The following USP28 variants were observed in gnomAD, a reference collection of about 807,000 sequenced individuals.
USP28 encodes ubiquitin carboxyl-terminal hydrolase 28.
In USP28, 113 loss-of-function variants were observed where a neutral mutation model predicts 145.0. The ratio of observed to expected loss-of-function variants is 0.78; its 90% CI spans 0.67 to 0.91. The LOEUF (loss-of-function observed/expected upper bound fraction) is 0.91, where lower values mean the gene tolerates loss of function less well. USP28 is among the 40% of genes least tolerant of loss of function. The probability of loss-of-function intolerance (pLI) is 0.00; values close to 1 mark genes in which losing one functional copy is unlikely to be tolerated. For missense variants in USP28, 1,201 were observed against 1,289.6 expected (o/e 0.93, Z 1.05); for synonymous variants, 447 against 450.9 (o/e 0.99, Z 0.11).
chr11:113,803,409 G>A (rs969500778), intron 22 of USP28, 128 bp from the exon 24 acceptor site: 15 of 1,066,184 alleles, frequency 1.4e-5, no homozygotes, highest in East Asian at 2.7e-5. Context: ...ACCAAAGACC[G>A]TAGCCAGTCT....
At chr11:113,842,773 G>C (rs1480628765) in intron 3 of USP28, among the ~76,000 whole-genome samples, 1 of 152,044 alleles carries the variant, frequency 6.6e-6, no homozygotes, top group Admixed American at 6.5e-5. Context: ...ACTAGGAAGA[G>C]AAAAAAATAT....
chr11:113,867,161 T>C lies in USP28; in HGVS notation c.57+8284A>G, dbSNP rs1948352180. 1.3e-5 allele frequency among the ~76,000 whole-genome samples: 2 copies of C among 152,346 alleles called. 1 individual carries two copies. On this transcript the variant is annotated intron_variant, in intron 1 of 24. Coordinates refer to ENST00000003302, the Ensembl canonical transcript of USP28. ...GGGGGAATAGGGAGTGACTGCTTAA[T>C]GGTTACAAAGTTTTCTTTCAGGGTA... is the stretch of plus-strand genomic sequence containing the variant.
At chr11:113,864,421 G>A (rs996194438) in intron 1 of USP28, among the ~76,000 whole-genome samples, 18 of 152,302 alleles carry the variant, frequency 1.2e-4, no homozygotes, top group South Asian at 6.2e-4. Context: ...TGCGGAGACT[G>A]AGAAGTCTCA....
At chr11:113,820,992 T>G in intron 12 of USP28, 1 of 180,568 alleles carries the variant, frequency 5.5e-6, no homozygotes, top group South Asian at 1.2e-4. Context: ...AGCAGATTCT[T>G]GATGAGATGC....
chr11:113,841,281 T>C (rs545874442), intron 4 of USP28, among the ~76,000 whole-genome samples: 2 of 152,298 alleles, frequency 1.3e-5, no homozygotes, highest in South Asian at 2.1e-4. Flanking sequence ...TTCAAAAAAA[T>C]AGATTCCTTG....
In USP28 at chr11:113,874,423, G is replaced by GGAA. The variant is rs1319889656; in HGVS notation, c.57+1021_57+1022insTTC. On this transcript the variant is annotated intron_variant, in intron 1 of 24. Coordinates refer to ENST00000003302, the Ensembl canonical transcript of USP28. ...CTAGGCAACAGAGGGAGACTCTGTC[G>GGAA]AAAAAAAAAAAAAAAAAAAAAAAAA... The GGAA allele has an allele frequency of 3.8e-4, 159 of 414,062 alleles. 2 individuals carry two copies. The African/African-American group carries it at 3.9e-3, about 10-fold the overall frequency. 25.6% of individuals were successfully genotyped at this position (414,062 alleles called of 1,614,324 possible). A position where few individuals can be genotyped will look rare whatever the true frequency, so the allele number is the denominator to read the frequency against.
intron 16 of USP28, among the ~76,000 whole-genome samples, chr11:113,809,832 G>C (rs1044863437): frequency 2.0e-5 from 3 of 152,090 alleles, no homozygotes; most frequent in Non-Finnish European, 2.9e-5. Flanking sequence ...AGGAGTTCAA[G>C]ACCAGCCTGG....
rs766866554 is a variant in USP28 at position 113,809,128 on chromosome 11, G to A, written c.2099C>T (p.Ser700Phe). Residue 700 changes from serine (S) to phenylalanine (F), a missense_variant, in exon 17 of 25, where the codon TCT becomes TTT. Transcript: ENST00000003302. ...GGACTCCATTTGAGGGATTTTGCAA[G>A]ACTGCTCTTCTTCCCACTCCTCTAC... 1.2e-6 allele frequency: 2 copies of A among 1,614,226 alleles called. No individual in the cohort carries two copies. The highest frequency in any genetic ancestry group is 3.3e-5 in the Admixed American group (2 of 60,028).
chr11:113,811,631 T>C (rs1174734004), intron 16 of USP28, among the ~76,000 whole-genome samples: 1 of 151,940 alleles, frequency 6.6e-6, no homozygotes, highest in Non-Finnish European at 1.5e-5. Flanking sequence ...GAGGTTGCAG[T>C]GAGCTGAGAT....
chr11:113,875,303 A>G, intron 1 of USP28, 142 bp downstream of exon 1: 5 of 590,476 alleles, frequency 8.5e-6, no homozygotes, highest in Non-Finnish European at 1.1e-5. Flanking sequence ...TGGCCTTCTC[A>G]CCCACGCTGG....
intron 2 of USP28, among the ~76,000 whole-genome samples, chr11:113,853,468 A>C (rs181989349): frequency 1.1e-3 from 167 of 152,280 alleles, no homozygotes; most frequent in African/African-American, 3.7e-3. Flanking sequence ...TTACCTAGTC[A>C]CTTAGTCATA....
intron 2 of USP28, among the ~76,000 whole-genome samples, chr11:113,853,460 AC>A (rs1385341403): frequency 6.6e-6 from 1 of 152,092 alleles, no homozygotes; most frequent in Non-Finnish European, 1.5e-5. Flanking sequence ...TTCAACAATT[AC>A]CTAGTCACTT....
intron 1 of USP28, among the ~76,000 whole-genome samples, chr11:113,862,027 T>G (rs1161173519): frequency 6.6e-6 from 1 of 152,316 alleles, no homozygotes; most frequent in South Asian, 2.1e-4. Context: ...TAGCTGGGTC[T>G]TCGTGTGTAG....
At chr11:113,861,088 C>T (rs537672043) in intron 1 of USP28, among the ~76,000 whole-genome samples, 8 of 147,984 alleles carry the variant, frequency 5.4e-5, no homozygotes, top group South Asian at 4.3e-4. Flanking sequence ...CACTGCATTC[C>T]ACTCCAGCCT....
chr11:113,830,910 C>T lies in USP28; in HGVS notation c.867G>A (p.Val289=), dbSNP rs774250527. 10 of 1,613,940 alleles carry T rather than the reference C, an allele frequency of 6.2e-6. No homozygotes were observed. In the East Asian group the frequency reaches 1.3e-4, roughly 22 times the overall value. The change falls in exon 9 of 25, where the codon GTG becomes GTA. Residue 289 remains valine, a synonymous_variant. Coordinates refer to ENST00000003302, the Ensembl canonical transcript of USP28. ...TCAGGAAAGTACCATAGAACAGCTG[C>T]ACCATTGGATTTTCAGATTTGTTCC...
chr11:113,806,180 C>A (rs981274752), intron 19 of USP28, among the ~76,000 whole-genome samples: 2 of 152,106 alleles, frequency 1.3e-5, no homozygotes, highest in South Asian at 2.1e-4. Context: ...TTCAAGCAAG[C>A]CTCCCTCCTG....
intron 3 of USP28, among the ~76,000 whole-genome samples, chr11:113,845,710 G>A (rs1426173435): frequency 6.6e-6 from 1 of 152,096 alleles, no homozygotes; most frequent in East Asian, 1.9e-4. Context: ...AGGTAGCTGG[G>A]ACTACAGGCA....
intron 1 of USP28, among the ~76,000 whole-genome samples, chr11:113,866,982 T>C (rs890109105): frequency 6.6e-6 from 1 of 151,990 alleles, no homozygotes; most frequent in African/African-American, 2.4e-5. Context: ...AACTCATACA[T>C]GCTACAACTT....
intron 8 of USP28, 117 bp downstream of exon 8, chr11:113,831,803 C>A: frequency 3.4e-6 from 3 of 893,944 alleles, no homozygotes; most frequent in Non-Finnish European, 5.2e-6. Context: ...GTGGTTATCC[C>A]AGGAGGTATG....
Sources: allele counts gnomAD v4.1 joint callset (sites outside exome capture counted in the v4.1 genomes callset), GRCh38; gene constraint gnomAD v4.1.1; transcripts MANE v1.5; gene names NCBI Gene and HGNC (gene_info 2026-07-23, HGNC 2026-07-21).